Variants in SLF1 observed in about 807,000 individuals in gnomAD.
SLF1 encodes the protein SMC5-SMC6 complex localization factor protein 1.
SLF1 carries 105 observed loss-of-function variants against 123.0 expected under a neutral mutation model. The ratio of observed to expected loss-of-function variants is 0.85; its 90% CI spans 0.73 to 1.00. SLF1 has a LOEUF of 1.00. Ranked by LOEUF, SLF1 falls within the 50% of genes least tolerant of loss-of-function variation. The probability of loss-of-function intolerance (pLI) is 0.00; values close to 1 mark genes in which losing one functional copy is unlikely to be tolerated. For missense variants in SLF1, 1,239 were observed against 1,223.0 expected, an observed-to-expected ratio of 1.01 and a Z score of -0.20; for synonymous variants, 434 against 406.6, an observed-to-expected ratio of 1.07 and a Z score of -0.81.
chr5:94,689,627 AATTTATGC>A, intron 18 of SLF1, 21 bp downstream of exon 18: 2 of 1,588,994 alleles, frequency 1.3e-6, no homozygotes, highest in South Asian at 2.3e-5. Flanking sequence ...TATTTAAATT[AATTTATGC>A]TAAGAACTTT....
At chr5:94,694,540 TA>T (rs1174999901) in intron 20 of SLF1, among the ~76,000 whole-genome samples, 2 of 151,936 alleles carry the variant, frequency 1.3e-5, no homozygotes, top group Non-Finnish European at 2.9e-5. Flanking sequence ...ATTCTTATTT[TA>T]AAATGACAGT....
At chr5:94,667,600 G>C (rs1749939454) in intron 12 of SLF1, among the ~76,000 whole-genome samples, 1 of 152,056 alleles carries the variant, frequency 6.6e-6, no homozygotes, top group South Asian at 2.1e-4. Context: ...AGATTTCTTA[G>C]CGAAATACGT....
At chr5:94,651,672 C>G (rs1389721790) in intron 6 of SLF1, 30 bp from the exon 7 acceptor site, 24 of 1,485,426 alleles carry the variant, frequency 1.6e-5, no homozygotes, top group Non-Finnish European at 2.1e-5. Flanking sequence ...AATCCACAGT[C>G]TTAACTAAAT....
At chr5:94,690,747 T>A in intron 18 of SLF1, among the ~76,000 whole-genome samples, 1 of 151,504 alleles carries the variant, frequency 6.6e-6, no homozygotes, top group Non-Finnish European at 1.5e-5. Context: ...TTTTTTAAAA[T>A]TCCCCTTAAA....
At chr5:94,658,095 GGTT>G (rs1748624653) in intron 9 of SLF1, among the ~76,000 whole-genome samples, 1 of 149,278 alleles carries the variant, frequency 6.7e-6, no homozygotes, top group South Asian at 2.1e-4. Flanking sequence ...ATTGTTTTGT[GGTT>G]GTTTTGTGTG....
In SLF1 at chr5:94,630,709, G is replaced by T. The variant is rs1273728426; in HGVS notation, c.397G>T (p.Val133Phe). The change falls in exon 4 of 21, where the codon GTT (valine) becomes TTT (phenylalanine). Residue 133 changes from valine to phenylalanine, a missense_variant. Val to Phe is a conservative substitution (Grantham distance 50). Coordinates refer to ENST00000265140, the MANE Select transcript of SLF1 (RefSeq NM_032290.4). ...AFHRWKVVLL[V>F]RTDKRSDSLI... ...CCACAGATGGAAAGTTGTCCTCCTT[G>T]TTAGAACTGATAAGCGAAGTGATTC... The T allele has an allele frequency of 6.4e-7, 1 of 1,551,670 alleles. No homozygotes were observed. The highest frequency in any genetic ancestry group is 2.0e-5 in the Admixed American group (1 of 50,996).
chr5:94,670,915 A>G lies in SLF1; in HGVS notation c.1734A>G (p.Ser578=). Residue 578 remains serine (S), a synonymous_variant, in exon 14 of 21, where the codon TCA becomes TCG. Coordinates refer to ENST00000265140, the MANE Select transcript of SLF1 (RefSeq NM_032290.4). ...GKAMLLEIFW[S]GSETSGLLTK... ...CAATGCTTCTTGAAATTTTTTGGTC[A>G]GGAAGTGAAACCTCTGGGCTTTTGA... The G allele has an allele frequency of 6.5e-7, 1 of 1,550,248 alleles. No individual in the cohort carries two copies. The highest frequency in any genetic ancestry group is 8.7e-7 in the Non-Finnish European group (1 of 1,145,980).
At chr5:94,640,550 T>C (rs913936736) in intron 4 of SLF1, among the ~76,000 whole-genome samples, 1 of 152,206 alleles carries the variant, frequency 6.6e-6, no homozygotes, top group African/African-American at 2.4e-5. Flanking sequence ...TTAAATATGA[T>C]ACTCTCCAGC....
Position 94,695,868 on chromosome 5 carries a change from ATAAT to A in SLF1, c.*561_*564del, listed in dbSNP as rs1252296116. The A allele has an allele frequency of 3.3e-5, 5 of 151,816 alleles. No homozygotes were observed. The highest frequency in any genetic ancestry group is 2.1e-4 in the South Asian group (1 of 4,830). The allele number at this position is 151,816 out of a possible 1,614,324, so 9.4% of individuals were successfully genotyped here. ...ATAAACATTTCTAAAATTTACAGTA[ATAAT>A]TAATATTCTTTTGGTTTTTAAATGC... is the stretch of plus-strand genomic sequence containing the variant. On this transcript the variant is annotated 3_prime_UTR_variant, in exon 21 of 21. Transcript: ENST00000265140.
At chr5:94,689,429 TTGC>T in intron 17 of SLF1, 41 bp from the exon 18 acceptor site, 1 of 1,586,726 alleles carries the variant, frequency 6.3e-7, no homozygotes, top group Non-Finnish European at 8.6e-7. Flanking sequence ...CTGGCACGCC[TTGC>T]TGAAAAACAA....
At chr5:94,664,920 G>A (rs1015644946) in intron 11 of SLF1, among the ~76,000 whole-genome samples, 3 of 152,082 alleles carry the variant, frequency 2.0e-5, no homozygotes, top group African/African-American at 7.2e-5. Context: ...CTCCACATAC[G>A]AAGGTTTTAC....
At chr5:94,635,166 A>C (rs766580087) in intron 4 of SLF1, among the ~76,000 whole-genome samples, 1 of 151,934 alleles carries the variant, frequency 6.6e-6, no homozygotes, top group East Asian at 1.9e-4. Context: ...TTGCAGTTTC[A>C]GGTATAATGT....
intron 5 of SLF1, among the ~76,000 whole-genome samples, chr5:94,645,122 T>C (rs1262157623): frequency 6.6e-6 from 1 of 152,162 alleles, no homozygotes; most frequent in African/African-American, 2.4e-5. Context: ...TTGAACCAAT[T>C]CTGATCAATG....
At chr5:94,658,177 G>A (rs1276825694) in intron 9 of SLF1, among the ~76,000 whole-genome samples, 1 of 118,524 alleles carries the variant, frequency 8.4e-6, no homozygotes, top group African/African-American at 3.0e-5. Context: ...TTTTTTTTTA[G>A]TATTGGTGAC....
chr5:94,627,619 T>TATATATATATATATAC (rs1261627669), intron 1 of SLF1, among the ~76,000 whole-genome samples: 2 of 136,962 alleles, frequency 1.5e-5, no homozygotes, highest in African/African-American at 5.5e-5. Flanking sequence ...TATATATATA[T>TATATATATATATATAC]AGCAAAGTTA....
chr5:94,641,505 T>G (rs1002796529), intron 4 of SLF1, among the ~76,000 whole-genome samples: 1 of 152,260 alleles, frequency 6.6e-6, no homozygotes, highest in African/African-American at 2.4e-5. Flanking sequence ...TTGTTAATTC[T>G]GTAATCACCA....
At chr5:94,618,646 T>C (rs1246204174), upstream of SLF1, 1 of 154,714 alleles carries the variant, frequency 6.5e-6, no homozygotes, top group African/African-American at 2.4e-5. Context: ...CGGGGCTGCC[T>C]AGCGCGCGGC....
chr5:94,627,592 A>ATGTATATATATATATATATATATG (rs202084095), intron 1 of SLF1, among the ~76,000 whole-genome samples: 1 of 113,978 alleles, frequency 8.8e-6, no homozygotes, highest in South Asian at 3.0e-4. Flanking sequence ...TAACATATAT[A>ATGTATATATATATATATATATATG]TATATATATA....
Position 94,629,159 on chromosome 5 carries a change from G to T in SLF1, c.182G>T (p.Cys61Phe). 6.5e-7 allele frequency: 1 copy of T among 1,547,652 alleles called. No homozygotes were observed. Residue 61 changes from cysteine to phenylalanine, a missense_variant, in exon 3 of 21, where the codon TGT becomes TTT. By Grantham distance (205) the Cys-to-Phe change is radical. Transcript: ENST00000265140. ...AAGAGTGAAAAATTTTTAGCAGCTT[G>T]TGCGGCAGGTAAGTTAACTGTCTTC... ...LCKSEKFLAA[C>F]AAGKWILTKD...
Sources: gnomAD v4.1 joint callset for allele counts (sites outside exome capture counted in the v4.1 genomes callset) on GRCh38, gnomAD v4.1.1 for gene constraint, MANE v1.5 for transcripts, NCBI Gene and HGNC (gene_info 2026-07-23, HGNC 2026-07-21) for gene names.